The following EYS variants were observed in gnomAD, a reference collection of about 807,000 sequenced individuals.
EYS encodes the protein EGF-like photoreceptor maintenance factor, also known as protein eyes shut homolog.
A neutral mutation model predicts 282.1 loss-of-function variants in EYS; 250 were observed. That is an observed-to-expected ratio of 0.89 (90% CI 0.80 to 0.98). The LOEUF (loss-of-function observed/expected upper bound fraction) is 0.98. Ranked by LOEUF, EYS falls within the 50% of genes least tolerant of loss-of-function variation. The pLI, the probability that EYS is intolerant of heterozygous loss-of-function variation, is 0.00. For synonymous variants in EYS, 1,355 were observed against 1,282.9 expected (o/e 1.06, Z -1.20); for missense variants, 4,016 against 3,709.0 (o/e 1.08, Z -2.15).
intron 26 of EYS, among the ~76,000 whole-genome samples, chr6:64,471,473 G>A (rs551493904): frequency 6.6e-6 from 1 of 151,932 alleles, no homozygotes; most frequent in African/African-American, 2.4e-5. Context: ...AATTAATCAA[G>A]AAAATAATCC....
rs117235681 is a variant in EYS at position 64,327,464 on chromosome 6, G to A, written c.6079-20382C>T. Among the ~76,000 whole-genome samples, 138 of 152,188 alleles carry A rather than the reference G, an allele frequency of 9.1e-4. 1 individual carries two copies. The East Asian group carries it at 0.013, about 14-fold the overall frequency. On this transcript the variant is annotated intron_variant, in intron 29 of 42. Transcript: ENST00000503581. The stretch of plus-strand genomic sequence containing the variant: ...CTGAGGACCCTTTGTGAGATAGACC[G>A]GCCATCTTTTAATGTAGGGTAGCTG...
At chr6:64,898,305 T>G (rs1229702520) in intron 18 of EYS, among the ~76,000 whole-genome samples, 1 of 152,120 alleles carries the variant, frequency 6.6e-6, no homozygotes, top group Non-Finnish European at 1.5e-5. Flanking sequence ...ATATTCACAT[T>G]CTTAAAGAAA....
intron 29 of EYS, among the ~76,000 whole-genome samples, chr6:64,342,218 T>C (rs1490431294): frequency 6.6e-6 from 1 of 151,594 alleles, no homozygotes; most frequent in African/African-American, 2.4e-5. Context: ...AAAATGTCTA[T>C]TCCAATGTTT....
chr6:65,346,416 A>G (rs200272401), intron 9 of EYS, among the ~76,000 whole-genome samples: 2 of 147,230 alleles, frequency 1.4e-5, no homozygotes, highest in East Asian at 4.0e-4. Context: ...GAAAAAAAAA[A>G]CAAAAAACAA....
In EYS at chr6:64,168,282, A is replaced by T. The variant is rs376123142; in HGVS notation, c.6424+62310T>A. Among the ~76,000 whole-genome samples, 11 of 152,320 alleles carry T rather than the reference A, an allele frequency of 7.2e-5. No homozygotes were observed. The East Asian group carries it at 1.9e-3, about 27-fold the overall frequency. ...TTTCAATAAATAAATAAATAAATAAATAAAGCCAGATAATAACAAATGGGT... is the reference window on the plus strand; with the variant it reads ...TTTCAATAAATAAATAAATAAATAATTAAAGCCAGATAATAACAAATGGGT... On this transcript the variant is annotated intron_variant, in intron 31 of 42. Coordinates refer to ENST00000503581, the MANE Select transcript of EYS (RefSeq NM_001142800.2).
At chr6:63,808,237 C>G (rs1478111507) in intron 36 of EYS, among the ~76,000 whole-genome samples, 1 of 152,106 alleles carries the variant, frequency 6.6e-6, no homozygotes, top group African/African-American at 2.4e-5. Context: ...ACAGCATGTT[C>G]TAGGGTGTGA....
intron 26 of EYS, among the ~76,000 whole-genome samples, chr6:64,476,877 C>A (rs534785675): frequency 2.0e-5 from 3 of 152,198 alleles, no homozygotes; most frequent in East Asian, 1.9e-4. Flanking sequence ...AGTTTCTCAT[C>A]GACTTGATGT....
chr6:63,835,490 C>A (rs907098811), intron 36 of EYS, among the ~76,000 whole-genome samples: 1 of 151,910 alleles, frequency 6.6e-6, no homozygotes, highest in Non-Finnish European at 1.5e-5. Context: ...AATGAAAAAT[C>A]AAACATCATA....
chr6:64,859,561 G>T (rs1766169421), intron 19 of EYS, among the ~76,000 whole-genome samples: 1 of 152,122 alleles, frequency 6.6e-6, no homozygotes. Flanking sequence ...ATGGGGACAG[G>T]TCTTTCCTGT....
At chr6:65,161,703 C>T (rs1054996710) in intron 12 of EYS, among the ~76,000 whole-genome samples, 3 of 151,072 alleles carry the variant, frequency 2.0e-5, no homozygotes, top group African/African-American at 4.8e-5. Flanking sequence ...TATGTGAAAG[C>T]ATTTTACAAA....
Position 64,836,734 on chromosome 6 carries a change from C to T in EYS, c.2993-13912G>A, listed in dbSNP as rs1263614577. On this transcript the variant is annotated intron_variant, in intron 19 of 42. Transcript: ENST00000503581. The stretch of plus-strand genomic sequence containing the variant: ...TGAAAACTTGCCAAAATGTAGAAAA[C>T]GGCATAATTTAGAGAGCAATTTTAG... 3.3e-5 allele frequency among the ~76,000 whole-genome samples: 5 copies of T among 151,532 alleles called. No individual in the cohort carries two copies. In the East Asian group the frequency reaches 5.8e-4, roughly 18 times the overall value.
At chr6:64,084,761 A>G (rs1423771500) in intron 31 of EYS, among the ~76,000 whole-genome samples, 1 of 152,192 alleles carries the variant, frequency 6.6e-6, no homozygotes, top group Non-Finnish European at 1.5e-5. Context: ...AAAGTTTTCT[A>G]AAGTAAATGC....
chr6:64,606,125 A>G (rs576886788), intron 24 of EYS, among the ~76,000 whole-genome samples: 1 of 152,052 alleles, frequency 6.6e-6, no homozygotes, highest in South Asian at 2.1e-4. Flanking sequence ...GTTTCTTAGG[A>G]TAAAAAAAAT....
intron 2 of EYS, among the ~76,000 whole-genome samples, chr6:65,585,247 T>C (rs1765005452): frequency 6.6e-6 from 1 of 151,976 alleles, no homozygotes; most frequent in Non-Finnish European, 1.5e-5. Flanking sequence ...GTCATCATTT[T>C]CTGTATTTAC....
At chr6:63,727,874 T>C (rs1481445006) in intron 41 of EYS, among the ~76,000 whole-genome samples, 1 of 146,610 alleles carries the variant, frequency 6.8e-6, no homozygotes, top group Non-Finnish European at 1.5e-5. Context: ...TGCAGTAAGC[T>C]GAGATGGCAC....
intron 19 of EYS, among the ~76,000 whole-genome samples, chr6:64,839,017 T>C (rs1222437220): frequency 1.3e-5 from 2 of 152,026 alleles, no homozygotes; most frequent in African/African-American, 4.8e-5. Flanking sequence ...AGGCTTAATT[T>C]TACCTACTTC....
At chr6:63,839,837 A>G (rs558123083) in intron 36 of EYS, among the ~76,000 whole-genome samples, 2 of 152,322 alleles carry the variant, frequency 1.3e-5, no homozygotes, top group Non-Finnish European at 2.9e-5. Context: ...CAGTTTCACC[A>G]ACAGTAATGT....
chr6:65,355,794 A>G (rs1037241419), intron 8 of EYS, among the ~76,000 whole-genome samples: 4 of 152,020 alleles, frequency 2.6e-5, no homozygotes. Context: ...TCTTATACCA[A>G]TCAGAATGGC....
intron 30 of EYS, among the ~76,000 whole-genome samples, chr6:64,247,286 C>T (rs762574376): frequency 2.0e-5 from 3 of 152,206 alleles, no homozygotes; most frequent in Non-Finnish European, 4.4e-5. Flanking sequence ...ACAATTAGCT[C>T]TAGCCATAAG....
Sources: gnomAD v4.1 joint callset for allele counts (sites outside exome capture counted in the v4.1 genomes callset) on GRCh38, gnomAD v4.1.1 for gene constraint, MANE v1.5 for transcripts, NCBI Gene and HGNC (gene_info 2026-07-23, HGNC 2026-07-21) for gene names.